The following NAALADL2 variants were observed in gnomAD, a reference collection of about 807,000 sequenced individuals.
NAALADL2 encodes N-acetylated alpha-linked acidic dipeptidase like 2, also known as inactive N-acetylated-alpha-linked acidic dipeptidase-like protein 2.
A neutral mutation model predicts 87.2 loss-of-function variants in NAALADL2; 76 were observed. The ratio of observed to expected loss-of-function variants is 0.87; its 90% CI spans 0.72 to 1.05. The LOEUF (loss-of-function observed/expected upper bound fraction) is 1.05. NAALADL2 is among the 50% of genes least tolerant of loss of function. The pLI, the probability that NAALADL2 is intolerant of heterozygous loss-of-function variation, is 0.00. For synonymous variants in NAALADL2, 354 were observed against 331.0 expected (o/e 1.07, Z -0.75); for missense variants, 1,089 against 945.8 (o/e 1.15, Z -1.99).
At chr3:175,629,147 T>C (rs143826494) in intron 11 of NAALADL2, among the ~76,000 whole-genome samples, 23 of 148,468 alleles carry the variant, frequency 1.5e-4, no homozygotes, top group African/African-American at 5.4e-4. Flanking sequence ...TATATGGACA[T>C]ATATATCATA....
intron 11 of NAALADL2, among the ~76,000 whole-genome samples, chr3:175,634,665 C>A (rs1183317083): frequency 6.6e-6 from 1 of 151,834 alleles, no homozygotes; most frequent in Non-Finnish European, 1.5e-5. Context: ...TCTGAATGAG[C>A]AAATCTGTCT....
intron 2 of NAALADL2, among the ~76,000 whole-genome samples, chr3:175,098,319 A>G (rs1291293322): frequency 3.9e-5 from 6 of 152,170 alleles, no homozygotes; most frequent in Admixed American, 3.9e-4. Context: ...TTCAGGACCC[A>G]GTGAAGATGT....
chr3:175,168,078 A>G (rs181045529), intron 2 of NAALADL2, among the ~76,000 whole-genome samples: 4 of 151,956 alleles, frequency 2.6e-5, no homozygotes, highest in Admixed American at 1.3e-4. Flanking sequence ...CTTTATTATT[A>G]TTTTTGGTAT....
chr3:174,553,527 G>A (rs1218043628), intron 2 of NAALADL2, among the ~76,000 whole-genome samples: 1 of 152,158 alleles, frequency 6.6e-6, no homozygotes, highest in African/African-American at 2.4e-5. Flanking sequence ...GATGCTTAAT[G>A]TAAATGCATG....
chr3:174,688,949 A>C (rs1047286935), intron 2 of NAALADL2, among the ~76,000 whole-genome samples: 4 of 151,988 alleles, frequency 2.6e-5, no homozygotes, highest in Non-Finnish European at 5.9e-5. Context: ...TTTGGTCAAG[A>C]CAATTAAATG....
rs1719394459 is a variant in NAALADL2 at position 174,805,754 on chromosome 3, A to G, written c.-9+68008A>G. Among the ~76,000 whole-genome samples, 5 of 152,164 alleles carry G rather than the reference A, an allele frequency of 3.3e-5. No homozygotes were observed. In the South Asian group the frequency reaches 1.0e-3, roughly 31 times the overall value. On this transcript the variant is annotated intron_variant, in intron 3 of 3. Transcript: ENST00000434257. ...ATGAATTATTTCATCAAAATTTGCC[A>G]TCTTAGATTACACTCACAATTTGAA... is the stretch of plus-strand genomic sequence containing the variant.
At chr3:175,571,782 A>T (rs1718117344) in intron 9 of NAALADL2, among the ~76,000 whole-genome samples, 1 of 152,188 alleles carries the variant, frequency 6.6e-6, no homozygotes, top group African/African-American at 2.4e-5. Flanking sequence ...CCCTAGATAA[A>T]ATGACCTTGG....
At chr3:174,691,313 G>A (rs1476672206) in intron 2 of NAALADL2, among the ~76,000 whole-genome samples, 1 of 152,018 alleles carries the variant, frequency 6.6e-6, no homozygotes, top group Non-Finnish European at 1.5e-5. Context: ...TTGGGAGACT[G>A]AGGCAGGAGA....
chr3:175,651,958 C>T (rs1268714440), intron 11 of NAALADL2, among the ~76,000 whole-genome samples: 1 of 152,140 alleles, frequency 6.6e-6, no homozygotes, highest in Non-Finnish European at 1.5e-5. Flanking sequence ...TGCTCATGTT[C>T]AGAGCAGTGT....
intron 1 of NAALADL2, among the ~76,000 whole-genome samples, chr3:175,043,507 C>G (rs9290529): frequency 0.21 from 32,389 of 151,976 alleles, 3,628 homozygotes; most frequent in East Asian, 0.38. Flanking sequence ...AAAGTGCTGG[C>G]GTTACAGGTG....
chr3:174,608,261 A>T (rs1477241102), intron 2 of NAALADL2, among the ~76,000 whole-genome samples: 1 of 152,172 alleles, frequency 6.6e-6, no homozygotes, highest in Non-Finnish European at 1.5e-5. Context: ...AAAGAACTAG[A>T]AAAGCAAGAG....
chr3:174,532,335 A>G (rs1441707277), intron 1 of NAALADL2, among the ~76,000 whole-genome samples: 4 of 152,172 alleles, frequency 2.6e-5, no homozygotes, highest in African/African-American at 9.6e-5. Flanking sequence ...TAAGGAGATG[A>G]TGCCAAACCA....
intron 1 of NAALADL2, among the ~76,000 whole-genome samples, chr3:174,942,401 A>G (rs2108474651): frequency 6.6e-6 from 1 of 152,276 alleles, no homozygotes; most frequent in East Asian, 1.9e-4. Context: ...TGAGAGGTCC[A>G]CTATTAGCCT....
At chr3:175,009,756 G>A (rs2108798800) in intron 1 of NAALADL2, among the ~76,000 whole-genome samples, 1 of 152,078 alleles carries the variant, frequency 6.6e-6, no homozygotes, top group African/African-American at 2.4e-5. Context: ...ATTCATATAT[G>A]CCAAAAATTC....
chr3:174,608,436 A>G (rs1180192712), intron 2 of NAALADL2, among the ~76,000 whole-genome samples: 1 of 151,798 alleles, frequency 6.6e-6, no homozygotes, highest in East Asian at 1.9e-4. Flanking sequence ...TAATAAAAAA[A>G]GAGAGAAGAA....
intron 5 of NAALADL2, among the ~76,000 whole-genome samples, chr3:175,393,281 A>AG (rs1491347859): frequency 1.2e-4 from 3 of 25,700 alleles, no homozygotes; most frequent in Non-Finnish European, 2.1e-4. Context: ...ACTCCGTCTC[A>AG]AAAAAAAAAA....
Position 174,916,515 on chromosome 3 carries a change from C to A in NAALADL2, c.43+57065C>A, listed in dbSNP as rs1290223730. Among the ~76,000 whole-genome samples, 7 of 152,142 alleles carry A rather than the reference C, an allele frequency of 4.6e-5. No homozygotes were observed. In the South Asian group the frequency reaches 1.5e-3, roughly 32 times the overall value. On this transcript the variant is annotated intron_variant, in intron 1 of 13. Transcript: ENST00000454872. ...ATATGGAAAATGTAGCATATATACACCATGGAATACTATCAAACATCAAAA... is the reference window on the plus strand; with the variant it reads ...ATATGGAAAATGTAGCATATATACAACATGGAATACTATCAAACATCAAAA...
intron 12 of NAALADL2, among the ~76,000 whole-genome samples, chr3:175,750,063 C>T (rs571162818): frequency 2.0e-5 from 3 of 152,296 alleles, no homozygotes; most frequent in African/African-American, 7.2e-5. Context: ...TCTAGCTCAA[C>T]GAGCTGAGCT....
intron 5 of NAALADL2, among the ~76,000 whole-genome samples, chr3:175,345,410 GT>G (rs985558332): frequency 1.3e-5 from 2 of 152,018 alleles, no homozygotes; most frequent in Non-Finnish European, 2.9e-5. Context: ...TTTGACATCA[GT>G]TTTTTTCCTA....
Sources: gnomAD v4.1 joint callset for allele counts (sites outside exome capture counted in the v4.1 genomes callset) on GRCh38, gnomAD v4.1.1 for gene constraint, MANE v1.5 for transcripts, NCBI Gene and HGNC (gene_info 2026-07-23, HGNC 2026-07-21) for gene names.